HELZ: variants seen among roughly 807,000 people sequenced by gnomAD.
HELZ encodes the protein ATP-dependent RNA helicase with zinc finger domain.
A neutral mutation model predicts 218.2 loss-of-function variants in HELZ; 23 were observed. The ratio of observed to expected loss-of-function variants is 0.11; its 90% confidence interval spans 0.08 to 0.15. The LOEUF is 0.15. Among genes scored for constraint, HELZ ranks in the 10% least tolerant of loss-of-function variants. The probability of loss-of-function intolerance (pLI) is 1.00; values close to 1 mark genes in which losing one functional copy is unlikely to be tolerated. For synonymous variants in HELZ, 814 were observed against 829.4 expected (o/e 0.98, Z 0.32); for missense variants, 1,813 against 2,353.7 (o/e 0.77, Z 4.75).
chr17:67,198,182 G>A (rs981545509), intron 7 of HELZ, among the ~76,000 whole-genome samples: 1 of 151,922 alleles, frequency 6.6e-6, no homozygotes, highest in African/African-American at 2.4e-5. Context: ...AAAAATAATG[G>A]GAATAAAAAT....
intron 3 of HELZ, among the ~76,000 whole-genome samples, chr17:67,234,993 A>G (rs1373228821): frequency 2.0e-5 from 3 of 152,194 alleles, no homozygotes; most frequent in African/African-American, 7.2e-5. Context: ...GGCCCCCTTC[A>G]ATGGCACCTA....
At chr17:67,127,342 T>G (rs7223693) in intron 24 of HELZ, among the ~76,000 whole-genome samples, 2 of 151,994 alleles carry the variant, frequency 1.3e-5, no homozygotes, top group African/African-American at 4.8e-5. Flanking sequence ...ATTAATAGTA[T>G]AAGCTTGAGA....
At chr17:67,222,297 T>C (rs966240398) in intron 3 of HELZ, among the ~76,000 whole-genome samples, 12 of 152,160 alleles carry the variant, frequency 7.9e-5, no homozygotes, top group African/African-American at 2.7e-4. Context: ...GAATAGCCAT[T>C]GGAGAAAAAA....
At chr17:67,225,082 A>C (rs2040854793) in intron 3 of HELZ, 1 of 525,734 alleles carries the variant, frequency 1.9e-6, no homozygotes, top group Non-Finnish European at 3.5e-6. Flanking sequence ...TCTTGAGTTT[A>C]TGTTTAAAAA....
At chr17:67,095,438 C>T (rs532189697) in intron 31 of HELZ, among the ~76,000 whole-genome samples, 27 of 152,164 alleles carry the variant, frequency 1.8e-4, no homozygotes, top group Middle Eastern at 3.4e-3. Flanking sequence ...GCCCCAGATA[C>T]TGAGGAGGCT....
At chr17:67,228,897 T>C (rs2040963972) in intron 3 of HELZ, among the ~76,000 whole-genome samples, 1 of 152,056 alleles carries the variant, frequency 6.6e-6, no homozygotes, top group African/African-American at 2.4e-5. Flanking sequence ...TTTGTATTTT[T>C]AGTGGAGTCA....
At chr17:67,193,282 T>C (rs916510417) in intron 9 of HELZ, among the ~76,000 whole-genome samples, 3 of 146,452 alleles carry the variant, frequency 2.0e-5, no homozygotes, top group Admixed American at 1.4e-4. Flanking sequence ...GAGGCAGAGA[T>C]TGCGGTGAGC....
chr17:67,168,363 C>T (rs960400227), intron 13 of HELZ, among the ~76,000 whole-genome samples: 1 of 151,870 alleles, frequency 6.6e-6, no homozygotes, highest in African/African-American at 2.4e-5. Flanking sequence ...TATGCACATT[C>T]AAAAAACACC....
intron 12 of HELZ, among the ~76,000 whole-genome samples, chr17:67,186,489 C>T: frequency 6.6e-6 from 1 of 152,150 alleles, no homozygotes; most frequent in East Asian, 1.9e-4. Context: ...AGAAAAGTAA[C>T]TCGTATCTGA....
chr17:67,184,855 AT>A (rs1459551710), intron 12 of HELZ, among the ~76,000 whole-genome samples: 1 of 152,080 alleles, frequency 6.6e-6, no homozygotes, highest in Non-Finnish European at 1.5e-5. Flanking sequence ...AAATAGAGAT[AT>A]TTCCCATTCA....
Position 67,078,491 on chromosome 17 carries a change from C to G in HELZ, c.5590G>C (p.Gly1864Arg). The change falls in exon 33 of 33, where the codon GGC becomes CGC. Residue 1864 changes from glycine (G) to arginine (R), a missense_variant. By Grantham distance (125) the Gly-to-Arg change is moderately radical (BLOSUM62 -2). Around this residue, in one of 4 missense-constraint regions of HELZ, gnomAD observed 938 missense variants for 1,027.5 expected, o/e 0.91. Transcript: ENST00000358691. ...TTAGGCATAAGGGGTGGAAACTGGC[C>G]AAGATGCTGCAGCACACTGTAGTTG... ...SFNYSVLQHLGQFPPLMPNKQ... is the reference protein window; with the variant it reads ...SFNYSVLQHLRQFPPLMPNKQ... 6.4e-7 allele frequency: 1 copy of G among 1,568,522 alleles called. No homozygotes were observed. Among genetic ancestry groups the G allele is most frequent in the Non-Finnish European group, 8.6e-7 (1 of 1,161,182 alleles).
intron 8 of HELZ, 25 bp from the exon 9 acceptor site, chr17:67,194,067 T>G: frequency 6.5e-7 from 1 of 1,538,364 alleles, no homozygotes; most frequent in Non-Finnish European, 9.0e-7. Flanking sequence ...GGATATAGTC[T>G]TATCATTTGA....
intron 31 of HELZ, among the ~76,000 whole-genome samples, chr17:67,095,720 G>T (rs1347363284): frequency 1.3e-5 from 2 of 152,152 alleles, no homozygotes; most frequent in African/African-American, 4.8e-5. Context: ...CATGGTGATG[G>T]AATCAACTTC....
intron 30 of HELZ, among the ~76,000 whole-genome samples, chr17:67,107,930 T>C (rs998606797): frequency 6.6e-6 from 1 of 152,208 alleles, no homozygotes; most frequent in Non-Finnish European, 1.5e-5. Context: ...CTTGTCTCTA[T>C]ACAGCTTTGA....
intron 5 of HELZ, among the ~76,000 whole-genome samples, chr17:67,214,256 TTTC>T (rs1476288041): frequency 1.5e-5 from 2 of 129,976 alleles, no homozygotes; most frequent in Non-Finnish European, 3.4e-5. Flanking sequence ...TAAATTAATA[TTTC>T]TTTTTTTTTT....
chr17:67,162,241 C>G (rs1319676106), intron 15 of HELZ, among the ~76,000 whole-genome samples: 1 of 152,098 alleles, frequency 6.6e-6, no homozygotes, highest in African/African-American at 2.4e-5. Context: ...CACAGCAAGA[C>G]CCTATCTCTA....
intron 31 of HELZ, among the ~76,000 whole-genome samples, chr17:67,087,830 T>A (rs1030428752): frequency 6.6e-6 from 1 of 152,214 alleles, no homozygotes; most frequent in Non-Finnish European, 1.5e-5. Flanking sequence ...ATGTCAAGAT[T>A]TTTTTATAGT....
intron 26 of HELZ, 84 bp downstream of exon 26, chr17:67,122,886 G>T: frequency 2.0e-6 from 2 of 982,076 alleles, no homozygotes; most frequent in East Asian, 2.5e-5. Flanking sequence ...AAAGAAGTTG[G>T]TAGAATGCTA....
At chr17:67,233,514 T>G (rs892611250) in intron 3 of HELZ, among the ~76,000 whole-genome samples, 1 of 152,164 alleles carries the variant, frequency 6.6e-6, no homozygotes, top group East Asian at 1.9e-4. Context: ...AGAAAAGTCA[T>G]GGACTGGGAA....
Sources: allele counts gnomAD v4.1 joint callset (sites outside exome capture counted in the v4.1 genomes callset), GRCh38; gene constraint gnomAD v4.1.1; regional missense constraint gnomAD v4.1.1; transcripts MANE v1.5; gene names NCBI Gene and HGNC (gene_info 2026-07-23, HGNC 2026-07-21).